HIPK2: variants seen among roughly 807,000 people sequenced by gnomAD.
HIPK2 encodes the protein homeodomain interacting protein kinase 2, also known as homeodomain-interacting protein kinase 2.
In HIPK2, 27 loss-of-function variants were observed where a neutral mutation model predicts 113.7. The ratio of observed to expected loss-of-function variants is 0.24; its 90% CI spans 0.17 to 0.33. HIPK2 has a LOEUF of 0.33. Ranked by LOEUF, HIPK2 falls within the 10% of genes least tolerant of loss-of-function variation. The pLI, the probability that HIPK2 is intolerant of heterozygous loss-of-function variation, is 1.00. For synonymous variants in HIPK2, 631 were observed against 642.2 expected (o/e 0.98, Z 0.26); for missense variants, 1,257 against 1,588.0 (o/e 0.79, Z 3.54).
chr7:139,715,849 T>G (rs1795217046), intron 2 of HIPK2, 83 bp downstream of exon 2: 2 of 1,518,276 alleles, frequency 1.3e-6, no homozygotes, highest in Non-Finnish European at 1.8e-6. Flanking sequence ...TAATTTTATC[T>G]CCCCACAGTG....
At chr7:139,621,856 G>A (rs535927225) in intron 6 of HIPK2, among the ~76,000 whole-genome samples, 3 of 148,876 alleles carry the variant, frequency 2.0e-5, no homozygotes, top group South Asian at 4.2e-4. Context: ...CTGTGAGGTC[G>A]AGGCTACAGT....
intron 2 of HIPK2, among the ~76,000 whole-genome samples, chr7:139,703,350 C>T (rs1182582515): frequency 6.6e-6 from 1 of 152,106 alleles, no homozygotes; most frequent in African/African-American, 2.4e-5. Flanking sequence ...CATCATCTGG[C>T]TCTCTTGGTG....
At chr7:139,629,998 T>C (rs978232010) in intron 4 of HIPK2, among the ~76,000 whole-genome samples, 9 of 152,030 alleles carry the variant, frequency 5.9e-5, no homozygotes, top group African/African-American at 2.2e-4. Context: ...ACTGGATATA[T>C]ATTATCTTTA....
In HIPK2 at chr7:139,736,929, C is replaced by T. The variant is rs114186304; in HGVS notation, c.20-19914G>A. On this transcript the variant is annotated intron_variant, in intron 1 of 14. Coordinates refer to ENST00000406875, the MANE Select transcript of HIPK2 (RefSeq NM_022740.5). Reference sequence around the variant, plus strand: ...CCAAACAAGCCACACAGGCCCAGCGCTAAGAGTCTTCCCTGTCAGTTCTCA... The same window carrying T: ...CCAAACAAGCCACACAGGCCCAGCGTTAAGAGTCTTCCCTGTCAGTTCTCA... Among the ~76,000 whole-genome samples the T allele has an allele frequency of 8.0e-3, 1,216 of 152,302 alleles. 18 individuals carry two copies. The highest frequency in any genetic ancestry group is 0.027 in the African/African-American group (1,140 of 41,560).
At chr7:139,755,124 G>A (rs561145246) in intron 1 of HIPK2, among the ~76,000 whole-genome samples, 2 of 152,150 alleles carry the variant, frequency 1.3e-5, no homozygotes, top group Non-Finnish European at 2.9e-5. Context: ...CTTGACTTAG[G>A]CACTGGCACA....
intron 2 of HIPK2, among the ~76,000 whole-genome samples, chr7:139,649,587 G>C (rs1268536432): frequency 2.0e-5 from 3 of 152,008 alleles, no homozygotes; most frequent in African/African-American, 7.3e-5. Flanking sequence ...GAATTCGGGG[G>C]GGTGGTTTGG....
chr7:139,596,978 A>T lies in HIPK2; in HGVS notation c.2456T>A (p.Val819Glu). 1 of 1,597,352 alleles carries T rather than the reference A, an allele frequency of 6.3e-7. No homozygotes were observed. The highest frequency in any genetic ancestry group is 8.6e-7 in the Non-Finnish European group (1 of 1,166,586). ...SSVRNVSTCE[V>E]SSSQAISSPQ... ...GGAGCTGATGGCCTGAGAGGAGGAC[A>T]CCTCACAGGTGGAGACATTTCTGTA... is the stretch of plus-strand genomic sequence containing the variant. Residue 819 changes from valine (V) to glutamate (E), a missense_variant, in exon 12 of 15, where the codon GTG becomes GAG. Around this residue, in one of 5 missense-constraint regions of HIPK2, gnomAD observed 862 missense variants for 1,004.3 expected, o/e 0.86. Coordinates refer to ENST00000406875, the MANE Select transcript of HIPK2 (RefSeq NM_022740.5).
rs1385419529 is a variant in HIPK2 at position 139,561,882 on chromosome 7, A to G, written c.*11045T>C. ...TATTATTAGTTTCCAAGACTAATATAAATTCACTCCATTTTTCTACAACGA... is the reference window on the plus strand; with the variant it reads ...TATTATTAGTTTCCAAGACTAATATGAATTCACTCCATTTTTCTACAACGA... On this transcript the variant is annotated 3_prime_UTR_variant, in exon 15 of 15. Transcript: ENST00000406875. 6.6e-6 allele frequency: 1 copy of G among 152,218 alleles called. No homozygotes were observed. The highest frequency in any genetic ancestry group is 6.5e-5 in the Admixed American group (1 of 15,282). 9.4% of individuals were successfully genotyped at this position (152,218 alleles called of 1,614,324 possible).
chr7:139,578,952 G>A (rs1012729274), intron 13 of HIPK2, among the ~76,000 whole-genome samples: 10 of 152,338 alleles, frequency 6.6e-5, no homozygotes, highest in Admixed American at 6.5e-4. Context: ...GGGATTATAG[G>A]CGTGAGCCAC....
rs1795257138 is a variant in HIPK2, at chr7:139,716,778, A to G, written c.257T>C (p.Phe86Ser). The G allele has an allele frequency of 1.2e-6, 2 of 1,613,876 alleles. No homozygotes were observed. Among genetic ancestry groups the G allele is most frequent in the Non-Finnish European group, 8.5e-7 (1 of 1,179,860 alleles). Residue 86 changes from phenylalanine to serine, a missense_variant, in exon 2 of 15, where the codon TTC becomes TCC. Phe to Ser is a radical substitution (Grantham distance 155). Around this residue, in one of 5 missense-constraint regions of HIPK2, gnomAD observed 209 missense variants for 237.8 expected, o/e 0.88. Coordinates refer to ENST00000406875, the MANE Select transcript of HIPK2 (RefSeq NM_022740.5). The surrounding 1 kb of genome is among the most constrained non-coding windows in gnomAD (Gnocchi z 9.3). ...CACGATGTGCCCGGTGCTTCCTGGG[A>G]AGACGATGGTCTGCTCGTAAGGTAG... ...PSLPYEQTIV[F>S]PGSTGHIVVT...
chr7:139,668,638 G>A (rs1175233870), intron 2 of HIPK2, among the ~76,000 whole-genome samples: 1 of 151,958 alleles, frequency 6.6e-6, no homozygotes, highest in African/African-American at 2.4e-5. Context: ...TTTCTCACCT[G>A]AGGCATGGAT....
rs192785968 is a variant in HIPK2, at chr7:139,645,859, G to A, written c.1104-14134C>T. 5.9e-5 allele frequency among the ~76,000 whole-genome samples: 9 copies of A among 152,324 alleles called. No homozygotes were observed. In the East Asian group the frequency reaches 7.7e-4, roughly 13 times the overall value. ...GACCTGCTGTGGTCCGGACAAGAGC[G>A]AGCTCTCACGGTGACTGGTTGGTTA... On this transcript the variant is annotated intron_variant, in intron 2 of 14. Transcript: ENST00000406875.
Position 139,571,614 on chromosome 7 carries a change from A to C in HIPK2, c.*1313T>G, listed in dbSNP as rs1216154021. 1 of 152,258 alleles carries C rather than the reference A, an allele frequency of 6.6e-6. No individual in the cohort carries two copies. Among genetic ancestry groups the C allele is most frequent in the East Asian group, 1.9e-4 (1 of 5,206 alleles). The allele number at this position is 152,258 out of a possible 1,614,324, so 9.4% of individuals were successfully genotyped here. A position where few individuals can be genotyped will look rare whatever the true frequency, so the allele number is the denominator to read the frequency against. ...CTTCCCTGGCATCCTTCCGCTAGCAAACAGCCCAGGAAAGACAACGGGCAT... is the reference window on the plus strand; with the variant it reads ...CTTCCCTGGCATCCTTCCGCTAGCACACAGCCCAGGAAAGACAACGGGCAT... On this transcript the variant is annotated 3_prime_UTR_variant, in exon 15 of 15. Coordinates refer to ENST00000406875, the MANE Select transcript of HIPK2 (RefSeq NM_022740.5).
intron 1 of HIPK2, among the ~76,000 whole-genome samples, chr7:139,776,735 C>CA (rs1796764563): frequency 6.6e-6 from 1 of 152,212 alleles, no homozygotes; most frequent in Non-Finnish European, 1.5e-5. Context: ...TCTCCTACTA[C>CA]AAGCACACAA....
In HIPK2 at chr7:139,708,326, TTAAG is replaced by T. The variant is rs1794966321; in HGVS notation, c.1103+7602_1103+7605del. Among the ~76,000 whole-genome samples, 4 of 152,280 alleles carry T rather than the reference TTAAG, an allele frequency of 2.6e-5. No individual in the cohort carries two copies. The South Asian group carries it at 8.3e-4, about 32-fold the overall frequency. On this transcript the variant is annotated intron_variant, in intron 2 of 14. Transcript: ENST00000406875. ...CCCCGAACCCATCAAGTCATGGATA[TTAAG>T]TATGTACAGCTTTCTGTAAGTAAAT...
chr7:139,578,198 C>T (rs1293816749), intron 13 of HIPK2, among the ~76,000 whole-genome samples: 4 of 152,048 alleles, frequency 2.6e-5, no homozygotes, highest in Admixed American at 1.3e-4. Flanking sequence ...TTAGTAGAGA[C>T]GGGGTTTCAC....
chr7:139,737,611 C>T (rs1166448615), intron 1 of HIPK2, among the ~76,000 whole-genome samples: 5 of 152,224 alleles, frequency 3.3e-5, no homozygotes, highest in Admixed American at 2.0e-4. Context: ...CCTGCACATC[C>T]GGCCTCTGCT....
intron 2 of HIPK2, among the ~76,000 whole-genome samples, chr7:139,690,282 C>T (rs1352186270): frequency 6.6e-6 from 1 of 151,052 alleles, no homozygotes; most frequent in Non-Finnish European, 1.5e-5. Context: ...GCAGTGCACA[C>T]AGAGTCAGGG....
chr7:139,772,715 G>A (rs1055993263), intron 1 of HIPK2, among the ~76,000 whole-genome samples: 3 of 150,988 alleles, frequency 2.0e-5, no homozygotes, highest in Non-Finnish European at 4.4e-5. Flanking sequence ...AGCCTCCCAA[G>A]TAGCTGGGAT....
Sources: gnomAD v4.1 joint callset for allele counts (sites outside exome capture counted in the v4.1 genomes callset) on GRCh38, gnomAD v4.1.1 for gene constraint, gnomAD v4.1.1 regional missense constraint, Gnocchi (gnomAD v3.1) non-coding constraint, MANE v1.5 for transcripts, NCBI Gene and HGNC (gene_info 2026-07-23, HGNC 2026-07-21) for gene names.